IQGAP1: variants seen among roughly 807,000 people sequenced by gnomAD.
IQGAP1 encodes the protein ras GTPase-activating-like protein IQGAP1.
IQGAP1 carries 66 observed loss-of-function variants against 215.6 expected under a neutral mutation model. That is an observed-to-expected ratio of 0.31 (90% CI 0.25 to 0.38). The LOEUF is 0.38. IQGAP1 is among the 10% of genes least tolerant of loss of function. The probability of loss-of-function intolerance (pLI) is 1.00; values close to 1 mark genes in which losing one functional copy is unlikely to be tolerated. For missense variants in IQGAP1, 1,712 were observed against 1,997.1 expected (o/e 0.86, Z 2.72); for synonymous variants, 772 against 728.7 (o/e 1.06, Z -0.96).
At chr15:90,467,710 A>T in intron 18 of IQGAP1, 118 bp downstream of exon 18, 1 of 1,037,368 alleles carries the variant, frequency 9.6e-7, no homozygotes, top group Non-Finnish European at 1.4e-6. Context: ...GAGGTTATGT[A>T]ATGAGCTGTT....
intron 2 of IQGAP1, among the ~76,000 whole-genome samples, chr15:90,404,420 A>G (rs780966789): frequency 6.6e-5 from 10 of 152,190 alleles, no homozygotes; most frequent in Non-Finnish European, 1.3e-4. Context: ...GAGCATCTTT[A>G]CATGTGTTTA....
At chr15:90,495,909 A>C (rs1966266049) in intron 36 of IQGAP1, among the ~76,000 whole-genome samples, 1 of 149,592 alleles carries the variant, frequency 6.7e-6, no homozygotes, top group Admixed American at 6.7e-5. Flanking sequence ...TTGGGATTAC[A>C]GGCCTTTATT....
Position 90,476,662 on chromosome 15 carries a change from G to T in IQGAP1, c.2785-1G>T. 6.4e-7 allele frequency: 1 copy of T among 1,570,712 alleles called. No homozygotes were observed. The highest frequency in any genetic ancestry group is 8.6e-7 in the Non-Finnish European group (1 of 1,164,990). On this transcript the variant is annotated splice_acceptor_variant, in intron 23 of 37. Coordinates refer to ENST00000268182, the MANE Select transcript of IQGAP1 (RefSeq NM_003870.4). LOFTEE classifies it high-confidence loss of function. Reference sequence around the variant, plus strand: ...ATCTATTTATTGGTTTTTGTTTATAGGATGTGGTTTCCCACAGTAAAAAAC... The same window carrying T: ...ATCTATTTATTGGTTTTTGTTTATATGATGTGGTTTCCCACAGTAAAAAAC...
At chr15:90,416,264 A>G (rs996260720) in intron 2 of IQGAP1, among the ~76,000 whole-genome samples, 7 of 151,080 alleles carry the variant, frequency 4.6e-5, no homozygotes, top group African/African-American at 1.7e-4. Flanking sequence ...ATAGTATTCC[A>G]TGGTGTATAT....
Position 90,486,058 on chromosome 15 carries a change from C to T in IQGAP1, c.3950C>T (p.Ala1317Val). ...CTGTTGGATCACCAGGATGCCATTG[C>T]TCCGGAGCACAATGATCCAATCCAC... The part of the protein sequence containing the change: ...TLLLDHQDAI[A>V]PEHNDPIHEL... Residue 1317 changes from alanine (A) to valine (V), a missense_variant, in exon 31 of 38, where the codon GCT becomes GTT. This residue lies in a region of IQGAP1 where 691 missense variants were observed against 923.0 expected (regional missense o/e 0.75). Transcript: ENST00000268182. The T allele has an allele frequency of 6.2e-7, 1 of 1,613,882 alleles. No homozygotes were observed. Among genetic ancestry groups the T allele is most frequent in the Non-Finnish European group, 8.5e-7 (1 of 1,179,892 alleles).
chr15:90,442,601 G>A (rs1965467345), intron 8 of IQGAP1, among the ~76,000 whole-genome samples: 1 of 152,128 alleles, frequency 6.6e-6, no homozygotes, highest in Admixed American at 6.5e-5. Context: ...AAACTGGCCT[G>A]CAGGCAAGTA....
intron 2 of IQGAP1, among the ~76,000 whole-genome samples, chr15:90,395,172 C>T (rs552587576): frequency 6.6e-6 from 1 of 152,128 alleles, no homozygotes; most frequent in Non-Finnish European, 1.5e-5. Flanking sequence ...TATCACCTAA[C>T]GATTCAAGGC....
chr15:90,489,083 T>C (rs1339600798), intron 33 of IQGAP1, among the ~76,000 whole-genome samples: 1 of 151,902 alleles, frequency 6.6e-6, no homozygotes, highest in Non-Finnish European at 1.5e-5. Flanking sequence ...CCTGGCATTT[T>C]GTAGGGTTGG....
chr15:90,419,999 A>G (rs1965110610), intron 2 of IQGAP1, among the ~76,000 whole-genome samples: 1 of 152,168 alleles, frequency 6.6e-6, no homozygotes, highest in Non-Finnish European at 1.5e-5. Context: ...TTAGTATTTT[A>G]TATGTACTAT....
chr15:90,449,462 T>C, intron 10 of IQGAP1, 97 bp from the exon 11 acceptor site: 2 of 985,956 alleles, frequency 2.0e-6, no homozygotes, highest in Non-Finnish European at 3.0e-6. Context: ...ACTATGGCTC[T>C]CTCTGTCCCT....
At chr15:90,396,809 C>T (rs749311686) in intron 2 of IQGAP1, among the ~76,000 whole-genome samples, 12 of 151,786 alleles carry the variant, frequency 7.9e-5, no homozygotes, top group Non-Finnish European at 1.3e-4. Context: ...ATGTGGCTGC[C>T]GAAAGCTTTT....
chr15:90,496,372 A>G (rs888022764), intron 36 of IQGAP1, among the ~76,000 whole-genome samples: 5 of 129,174 alleles, frequency 3.9e-5, no homozygotes, highest in Admixed American at 1.9e-4. Flanking sequence ...ACTGGACTGC[A>G]GTGGTGATAG....
At chr15:90,450,461 G>C (rs948312268) in intron 11 of IQGAP1, among the ~76,000 whole-genome samples, 7 of 145,004 alleles carry the variant, frequency 4.8e-5, no homozygotes, top group African/African-American at 1.8e-4. Context: ...CCTTTCTTTT[G>C]GCCATATACC....
intron 9 of IQGAP1, 22 bp from the exon 10 acceptor site, chr15:90,448,551 A>G: frequency 1.3e-6 from 2 of 1,550,898 alleles, no homozygotes; most frequent in African/African-American, 1.4e-5. Context: ...TCCTTTCACA[A>G]GCTTTTGCCT....
At chr15:90,497,888 T>C (rs757998170) in intron 37 of IQGAP1, among the ~76,000 whole-genome samples, 2 of 152,342 alleles carry the variant, frequency 1.3e-5, no homozygotes, top group South Asian at 4.1e-4. Flanking sequence ...AGAGGATTCC[T>C]AGGTGACATC....
intron 33 of IQGAP1, among the ~76,000 whole-genome samples, chr15:90,487,827 T>A (rs1966148313): frequency 6.6e-6 from 1 of 152,168 alleles, no homozygotes; most frequent in Admixed American, 6.5e-5. Context: ...CCATCCCGTA[T>A]ATCCATCCCT....
intron 9 of IQGAP1, among the ~76,000 whole-genome samples, chr15:90,446,316 T>C (rs1965526967): frequency 6.6e-6 from 1 of 152,006 alleles, no homozygotes; most frequent in Non-Finnish European, 1.5e-5. Context: ...GTCCTATTCA[T>C]ATTATTATTA....
chr15:90,485,544 ATTC>A (rs2151036723), intron 30 of IQGAP1, among the ~76,000 whole-genome samples: 1 of 152,214 alleles, frequency 6.6e-6, no homozygotes, highest in East Asian at 1.9e-4. Flanking sequence ...GGTTCAAGCA[ATTC>A]TTCTGCATCA....
chr15:90,475,241 C>T (rs1755542910), intron 23 of IQGAP1, among the ~76,000 whole-genome samples: 1 of 152,060 alleles, frequency 6.6e-6, no homozygotes, highest in Non-Finnish European at 1.5e-5. Flanking sequence ...TCGGGTGATC[C>T]ACCCGCCTCA....
Sources: gnomAD v4.1 joint callset for allele counts (sites outside exome capture counted in the v4.1 genomes callset) on GRCh38, gnomAD v4.1.1 for gene constraint, gnomAD v4.1.1 regional missense constraint, MANE v1.5 for transcripts, NCBI Gene and HGNC (gene_info 2026-07-23, HGNC 2026-07-21) for gene names.